The following DPF3 variants were observed in gnomAD, a reference collection of about 807,000 sequenced individuals.
DPF3 encodes zinc finger protein DPF3.
DPF3 carries 18 observed loss-of-function variants against 56.8 expected under a neutral mutation model. The observed-to-expected ratio is 0.32, with a 90% CI of 0.22 to 0.47. The LOEUF (loss-of-function observed/expected upper bound fraction) is 0.47, where lower values mean the gene tolerates loss of function less well. Ranked by LOEUF, DPF3 falls within the 20% of genes least tolerant of loss-of-function variation. The probability of loss-of-function intolerance (pLI) is 1.00; values close to 1 mark genes in which losing one functional copy is unlikely to be tolerated. For synonymous variants in DPF3, 188 were observed against 180.2 expected, an observed-to-expected ratio of 1.04 and a Z score of -0.35; for missense variants, 403 against 488.8, an observed-to-expected ratio of 0.82 and a Z score of 1.65.
chr14:72,864,500 A>G (rs1057026523), intron 1 of DPF3, among the ~76,000 whole-genome samples: 4 of 152,234 alleles, frequency 2.6e-5, no homozygotes, highest in African/African-American at 4.8e-5. Flanking sequence ...TGAGAGCTCA[A>G]TAAATATTTG....
At chr14:72,718,733 A>T (rs1889038070) in intron 5 of DPF3, among the ~76,000 whole-genome samples, 1 of 143,760 alleles carries the variant, frequency 7.0e-6, no homozygotes, top group Admixed American at 6.9e-5. Context: ...AATTCCTGAG[A>T]TCAAAAAAAT....
rs750670452 is a variant in DPF3 at position 72,674,307 on chromosome 14, GC to G, written c.803del (p.Gly268AlafsTer4). The G allele has an allele frequency of 1.2e-6, 2 of 1,612,330 alleles. No homozygotes were observed. The highest frequency in any genetic ancestry group is 2.2e-5 in the South Asian group (2 of 90,692). ...PNNYCDFCLG[G>X]SNMNKKSGRP... The stretch of plus-strand genomic sequence containing the variant: ...GCCCACTCTTCTTGTTCATGTTGGA[GC>G]CCCCCAAGCAGAAGTCACAGTAGTT... On this transcript the variant is annotated frameshift_variant, in exon 8 of 11. Coordinates refer to ENST00000556509, the MANE Select transcript of DPF3 (RefSeq NM_001280542.3). LOFTEE classifies it high-confidence loss of function.
At chr14:72,893,737 C>G (rs879905258) in intron 1 of DPF3, among the ~76,000 whole-genome samples, 5 of 151,842 alleles carry the variant, frequency 3.3e-5, no homozygotes, top group Non-Finnish European at 2.9e-5. Context: ...CCGCGCCGTC[C>G]CCGAGCTCCC....
chr14:72,825,690 TGCCCAGCCCA>T (rs71961480), intron 1 of DPF3, among the ~76,000 whole-genome samples: 102,095 of 147,216 alleles, frequency 0.69, 35,659 homozygotes, highest in East Asian at 0.87. Flanking sequence ...CCACAGGCTC[TGCCCAGCCCA>T]GCCCAGCCCA....
At chr14:72,652,983 G>C (rs1038707917) in intron 8 of DPF3, among the ~76,000 whole-genome samples, 2 of 152,162 alleles carry the variant, frequency 1.3e-5, no homozygotes, top group African/African-American at 4.8e-5. Context: ...ATATTCTTCT[G>C]TTGTGGGTTT....
At chr14:72,786,334 G>C (rs964401427) in intron 1 of DPF3, among the ~76,000 whole-genome samples, 1 of 152,102 alleles carries the variant, frequency 6.6e-6, no homozygotes, top group Non-Finnish European at 1.5e-5. Flanking sequence ...CCGAGGCAGA[G>C]CTGGGATCAG....
At chr14:72,736,976 G>A (rs1272617504) in intron 3 of DPF3, among the ~76,000 whole-genome samples, 5 of 151,418 alleles carry the variant, frequency 3.3e-5, no homozygotes, top group East Asian at 2.0e-4. Flanking sequence ...CAAGCCAGCC[G>A]CCTCCCTGGG....
chr14:72,697,984 C>A (rs1887981446), intron 6 of DPF3, among the ~76,000 whole-genome samples: 2 of 152,160 alleles, frequency 1.3e-5, no homozygotes, highest in East Asian at 3.9e-4. Context: ...TTTCTCTTCC[C>A]ACCACAGAGT....
At chr14:72,781,620 A>G (rs1339517234) in intron 1 of DPF3, among the ~76,000 whole-genome samples, 1 of 151,964 alleles carries the variant, frequency 6.6e-6, no homozygotes, top group Non-Finnish European at 1.5e-5. Flanking sequence ...CTGATGACAT[A>G]CACATCTCGA....
chr14:72,619,230 G>A lies in DPF3; in HGVS notation c.*67C>T, dbSNP rs1229952769. 8 of 1,480,296 alleles carry A rather than the reference G, an allele frequency of 5.4e-6. No homozygotes were observed. The East Asian group carries it at 9.9e-5, about 18-fold the overall frequency. The allele number at this position is 1,480,296 out of a possible 1,614,324, so 91.7% of individuals were successfully genotyped here. On this transcript the variant is annotated 3_prime_UTR_variant, in exon 11 of 11. Coordinates refer to ENST00000556509, the MANE Select transcript of DPF3 (RefSeq NM_001280542.3). ...GGCTGGATATGTGGGAGGAGGGCGCGTTCTGGTTTGAACTGGGCTCTGCTT... is the reference window on the plus strand; with the variant it reads ...GGCTGGATATGTGGGAGGAGGGCGCATTCTGGTTTGAACTGGGCTCTGCTT...
intron 7 of DPF3, among the ~76,000 whole-genome samples, chr14:72,687,717 C>T (rs1887472414): frequency 6.6e-6 from 1 of 152,208 alleles, no homozygotes; most frequent in African/African-American, 2.4e-5. Context: ...TCTCCAATGG[C>T]TAACTTGAAT....
rs183568407 is a variant in DPF3 at position 72,844,249 on chromosome 14, G to T, written c.32+49808C>A. Reference sequence around the variant, plus strand: ...TTAGAAAACTGCCTCCACACATCTGGACATTAAGACTAAAATGCAGTGCCT... The same window carrying T: ...TTAGAAAACTGCCTCCACACATCTGTACATTAAGACTAAAATGCAGTGCCT... On this transcript the variant is annotated intron_variant, in intron 1 of 10. Coordinates refer to ENST00000556509, the MANE Select transcript of DPF3 (RefSeq NM_001280542.3). Among the ~76,000 whole-genome samples, 3 of 152,230 alleles carry T rather than the reference G, an allele frequency of 2.0e-5. No individual in the cohort carries two copies. In the East Asian group the frequency reaches 5.8e-4, roughly 29 times the overall value.
At chr14:72,619,391 G>A (rs1884279854) in intron 10 of DPF3, 24 bp from the exon 11 acceptor site, 9 of 1,535,904 alleles carry the variant, frequency 5.9e-6, no homozygotes, top group Non-Finnish European at 7.8e-6. Flanking sequence ...GACGGCTTTA[G>A]TAGCAGCCCC....
chr14:72,652,804 T>C (rs1885953302), intron 8 of DPF3, among the ~76,000 whole-genome samples: 1 of 152,096 alleles, frequency 6.6e-6, no homozygotes, highest in African/African-American at 2.4e-5. Flanking sequence ...TACATAAATA[T>C]TACAATCTGA....
intron 1 of DPF3, among the ~76,000 whole-genome samples, chr14:72,869,446 T>C (rs921458321): frequency 2.0e-5 from 3 of 152,048 alleles, no homozygotes; most frequent in African/African-American, 7.2e-5. Context: ...TGGGGAGACA[T>C]GGATGAAGAA....
intron 8 of DPF3, among the ~76,000 whole-genome samples, chr14:72,632,432 C>A (rs1353576249): frequency 6.6e-6 from 1 of 151,946 alleles, no homozygotes; most frequent in African/African-American, 2.4e-5. Flanking sequence ...GTGACGAGCT[C>A]AAGGACTTTT....
intron 1 of DPF3, among the ~76,000 whole-genome samples, chr14:72,783,373 C>T (rs1035755390): frequency 6.6e-6 from 1 of 152,140 alleles, no homozygotes; most frequent in Admixed American, 6.5e-5. Flanking sequence ...AGGAAATGCT[C>T]GACACATATC....
At chr14:72,673,529 A>G (rs1886781294) in intron 8 of DPF3, among the ~76,000 whole-genome samples, 1 of 152,244 alleles carries the variant, frequency 6.6e-6, no homozygotes. Flanking sequence ...AACCATTTGA[A>G]CATAACCTGA....
At chr14:72,853,302 T>C (rs1599497150) in intron 1 of DPF3, 1 of 151,986 alleles carries the variant, frequency 6.6e-6, no homozygotes, top group Admixed American at 6.6e-5. Flanking sequence ...GAACAATCAA[T>C]TGAGATAACT....
Sources: gnomAD v4.1 joint callset for allele counts (sites outside exome capture counted in the v4.1 genomes callset) on GRCh38, gnomAD v4.1.1 for gene constraint, MANE v1.5 for transcripts, NCBI Gene and HGNC (gene_info 2026-07-23, HGNC 2026-07-21) for gene names.